The following PMF1 variants were observed in gnomAD, a reference collection of about 807,000 sequenced individuals.
The protein encoded by PMF1 is polyamine-modulated factor 1.
In PMF1, 21 loss-of-function variants were observed where a neutral mutation model predicts 26.7. That is an observed-to-expected ratio of 0.79 (90% CI 0.56 to 1.13). PMF1 has a LOEUF of 1.13. Ranked by LOEUF, PMF1 falls within the 50% of genes most tolerant of loss-of-function variation. PMF1 has a pLI of 0.00. For missense variants in PMF1, 266 were observed against 254.9 expected, an observed-to-expected ratio of 1.04 and a Z score of -0.30; for synonymous variants, 105 against 101.0, an observed-to-expected ratio of 1.04 and a Z score of -0.24.
intron 1 of PMF1, among the ~76,000 whole-genome samples, chr1:156,227,698 A>G (rs1658445700): frequency 6.6e-6 from 1 of 150,892 alleles, no homozygotes; most frequent in Non-Finnish European, 1.5e-5. Context: ...GGTTTTCTCC[A>G]TTTTGGTCAG....
At chr1:156,235,355 C>T (rs1195228927) in intron 3 of PMF1, among the ~76,000 whole-genome samples, 1 of 151,776 alleles carries the variant, frequency 6.6e-6, no homozygotes, top group Admixed American at 6.6e-5. Flanking sequence ...AACACCGGAC[C>T]TCAGGTGATC....
chr1:156,216,076 A>C (rs1413841004), intron 1 of PMF1, among the ~76,000 whole-genome samples: 1 of 152,060 alleles, frequency 6.6e-6, no homozygotes, highest in Non-Finnish European at 1.5e-5. Flanking sequence ...CTTGGAGTAG[A>C]CATTCTGGTA....
chr1:156,232,295 C>T, intron 1 of PMF1, 25 bp from the exon 2 acceptor site: 1 of 1,612,276 alleles, frequency 6.2e-7, no homozygotes, highest in Non-Finnish European at 8.5e-7. Flanking sequence ...GCCCTCCCCA[C>T]CTTTGCTTCT....
rs41265029 is a variant in PMF1 at position 156,213,347 on chromosome 1, G to T, written c.161+171G>T. ...GAGCCTTAGGAGTCAGGGTATTCAC[G>T]CACTGATAACCTGTAGCGGACCGGG... On this transcript the variant is annotated intron_variant, in intron 1 of 4. Transcript: ENST00000368277. Among the ~76,000 whole-genome samples the T allele has an allele frequency of 7.6e-3, 1,162 of 152,340 alleles. 11 individuals are homozygous for T. The highest frequency in any genetic ancestry group is 0.012 in the Non-Finnish European group (848 of 68,026).
chr1:156,227,479 T>A (rs566072209), intron 1 of PMF1, among the ~76,000 whole-genome samples: 51 of 149,062 alleles, frequency 3.4e-4, no homozygotes, highest in Middle Eastern at 3.4e-3. Context: ...TTTAATTTTT[T>A]AAAAAATTTA....
At chr1:156,236,533 G>C in intron 4 of PMF1, 50 bp downstream of exon 4, 2 of 1,536,398 alleles carry the variant, frequency 1.3e-6, no homozygotes, top group East Asian at 2.4e-5. Flanking sequence ...TGGGCCCTCT[G>C]AGATCCGCAA....
At chr1:156,238,084 C>G (rs1470931255) in intron 4 of PMF1, among the ~76,000 whole-genome samples, 1 of 152,156 alleles carries the variant, frequency 6.6e-6, no homozygotes, top group Non-Finnish European at 1.5e-5. Flanking sequence ...AATCAGTTGG[C>G]CATAAGTATA....
chr1:156,214,988 C>T (rs1462658248), intron 1 of PMF1, among the ~76,000 whole-genome samples: 3 of 151,724 alleles, frequency 2.0e-5, no homozygotes, highest in Admixed American at 6.6e-5. Context: ...AGTGATTCTC[C>T]TCCCTCAGCC....
At chr1:156,215,046 T>G (rs879616106) in intron 1 of PMF1, among the ~76,000 whole-genome samples, 2 of 151,200 alleles carry the variant, frequency 1.3e-5, no homozygotes, top group African/African-American at 4.9e-5. Flanking sequence ...GCCAGCTAAT[T>G]TTTGTATTTT....
chr1:156,225,539 T>A, intron 1 of PMF1: 1 of 1,437,294 alleles, frequency 7.0e-7, no homozygotes, highest in South Asian at 1.2e-5. Flanking sequence ...GTTCTCAGCC[T>A]GTTTGTTTTG....
chr1:156,223,557 C>T (rs901041348), intron 1 of PMF1: 2 of 152,154 alleles, frequency 1.3e-5, no homozygotes, highest in Non-Finnish European at 2.9e-5. Context: ...CTCACAGAAT[C>T]ATGGTAAGGA....
chr1:156,224,339 T>C (rs1281548221), intron 1 of PMF1, among the ~76,000 whole-genome samples: 1 of 152,232 alleles, frequency 6.6e-6, no homozygotes, highest in Non-Finnish European at 1.5e-5. Flanking sequence ...TGCAATATTT[T>C]ACGGTTAACC....
At chr1:156,217,312 T>A (rs1039895867) in intron 1 of PMF1, among the ~76,000 whole-genome samples, 1 of 151,752 alleles carries the variant, frequency 6.6e-6, no homozygotes, top group African/African-American at 2.4e-5. Flanking sequence ...GTTAAGGAAG[T>A]GGCATTTGAC....
intron 1 of PMF1, among the ~76,000 whole-genome samples, chr1:156,225,060 C>T (rs949971079): frequency 6.6e-6 from 1 of 151,950 alleles, no homozygotes; most frequent in Non-Finnish European, 1.5e-5. Context: ...CCACTGCGCC[C>T]TGCTAATTTT....
chr1:156,213,181 A>G lies in PMF1; in HGVS notation c.161+5A>G, dbSNP rs936486885. ...GAAGCTGGTCGCCGCCGGCAGGTAAAGTGGACGCAGCCGCGGTGGGAGTGT... is the reference window on the plus strand; with the variant it reads ...GAAGCTGGTCGCCGCCGGCAGGTAAGGTGGACGCAGCCGCGGTGGGAGTGT... On this transcript the variant is annotated splice_donor_5th_base_variant and intron_variant, in intron 1 of 4. Transcript: ENST00000368277. 1.2e-6 allele frequency: 2 copies of G among 1,612,168 alleles called. No homozygotes were observed. Among genetic ancestry groups the G allele is most frequent in the Non-Finnish European group, 8.5e-7 (1 of 1,178,458 alleles).
At chr1:156,231,165 C>T (rs1453279365) in intron 1 of PMF1, among the ~76,000 whole-genome samples, 7 of 134,086 alleles carry the variant, frequency 5.2e-5, no homozygotes, top group African/African-American at 1.7e-4. Flanking sequence ...TGCAGTGAGC[C>T]GAGATCGCGC....
chr1:156,222,041 C>A (rs1572485901), intron 1 of PMF1, among the ~76,000 whole-genome samples: 2 of 152,184 alleles, frequency 1.3e-5, no homozygotes, highest in African/African-American at 4.8e-5. Flanking sequence ...AGATTTGATC[C>A]CCTTCTCCTG....
intron 1 of PMF1, chr1:156,225,509 C>T: frequency 4.5e-6 from 5 of 1,119,278 alleles, no homozygotes; most frequent in Non-Finnish European, 6.5e-6. Context: ...CCCTTTGCAT[C>T]CCCAGCTTCT....
rs372724163 is a variant in PMF1, at chr1:156,236,273, C to A, written c.369-15C>A. On this transcript the variant is annotated splice_polypyrimidine_tract_variant and intron_variant, in intron 3 of 4. Coordinates refer to ENST00000368277, the MANE Select transcript of PMF1 (RefSeq NM_007221.4). ...TCCGCCTCCTTCATTCCTTGTGCCCCGTGTGGCCCTCCAGGCGCCCCAGCG... is the reference window on the plus strand; with the variant it reads ...TCCGCCTCCTTCATTCCTTGTGCCCAGTGTGGCCCTCCAGGCGCCCCAGCG... 1.3e-6 allele frequency: 2 copies of A among 1,599,260 alleles called. No homozygotes were observed. Among genetic ancestry groups the A allele is most frequent in the African/African-American group, 1.3e-5 (1 of 74,680 alleles).
Sources: allele counts gnomAD v4.1 joint callset (sites outside exome capture counted in the v4.1 genomes callset), GRCh38; gene constraint gnomAD v4.1.1; transcripts MANE v1.5; gene names NCBI Gene and HGNC (gene_info 2026-07-23, HGNC 2026-07-21).